RASSF5: variants seen among roughly 807,000 people sequenced by gnomAD.
RASSF5 encodes ras association domain-containing protein 5.
RASSF5 carries 25 observed loss-of-function variants against 40.5 expected under a neutral mutation model. The ratio of observed to expected loss-of-function variants is 0.62; its 90% CI spans 0.45 to 0.86. The LOEUF (loss-of-function observed/expected upper bound fraction) is 0.86, where lower values mean the gene tolerates loss of function less well. Ranked by LOEUF, RASSF5 falls within the 40% of genes least tolerant of loss-of-function variation. RASSF5 has a pLI of 0.00. For missense variants in RASSF5, 521 were observed against 572.8 expected, an observed-to-expected ratio of 0.91 and a Z score of 0.92; for synonymous variants, 246 against 252.4, an observed-to-expected ratio of 0.97 and a Z score of 0.24.
At chr1:206,571,783 C>G (rs782102444) in intron 2 of RASSF5, among the ~76,000 whole-genome samples, 32 of 152,256 alleles carry the variant, frequency 2.1e-4, no homozygotes, top group African/African-American at 7.2e-4. Flanking sequence ...ACTGAAAGGA[C>G]GCTGACCTAG....
intron 1 of RASSF5, among the ~76,000 whole-genome samples, chr1:206,532,737 G>A (rs2103518717): frequency 6.6e-6 from 1 of 152,322 alleles, no homozygotes; most frequent in East Asian, 1.9e-4. Context: ...GTGTCATCCA[G>A]GCTCAGTCGC....
At chr1:206,586,510 G>A (rs1013183294) in intron 5 of RASSF5, 14 of 257,526 alleles carry the variant, frequency 5.4e-5, no homozygotes, top group African/African-American at 3.0e-4. Context: ...CATGTTGGGA[G>A]GCTGGGTGGT....
intron 1 of RASSF5, among the ~76,000 whole-genome samples, chr1:206,509,312 A>T (rs1666554268): frequency 6.6e-6 from 1 of 152,220 alleles, no homozygotes; most frequent in Non-Finnish European, 1.5e-5. Flanking sequence ...AGGGAAATAG[A>T]ACTCAGACAC....
intron 1 of RASSF5, among the ~76,000 whole-genome samples, chr1:206,516,986 G>C (rs555529675): frequency 6.6e-6 from 1 of 152,232 alleles, no homozygotes; most frequent in South Asian, 2.1e-4. Context: ...TGGTACAGAG[G>C]TTGCTTGGTA....
Position 206,531,922 on chromosome 1 carries a change from G to A in RASSF5, c.458-6250G>A, listed in dbSNP as rs183856203. 3.8e-3 allele frequency among the ~76,000 whole-genome samples: 576 copies of A among 152,050 alleles called. 3 individuals carry two copies. Among genetic ancestry groups the A allele is most frequent in the African/African-American group, 0.013 (557 of 41,480 alleles). On this transcript the variant is annotated intron_variant, in intron 1 of 5. Transcript: ENST00000579436. The surrounding 1 kb of genome is among the most constrained non-coding windows in gnomAD (Gnocchi z 4.7). ...CAAAAATTAGCCAGGCATGGTGGCG[G>A]GTGCCTGTAATGCCAGCTGCTTGGG...
chr1:206,514,408 G>A (rs1666698409), intron 1 of RASSF5, among the ~76,000 whole-genome samples: 1 of 152,270 alleles, frequency 6.6e-6, no homozygotes, highest in South Asian at 2.1e-4. Flanking sequence ...GTCTATAAGA[G>A]GGGTGGTGTT....
intron 1 of RASSF5, among the ~76,000 whole-genome samples, chr1:206,534,429 A>T (rs1667329163): frequency 6.6e-6 from 1 of 152,174 alleles, no homozygotes; most frequent in African/African-American, 2.4e-5. Context: ...TCTCCCGGAG[A>T]AACTACAGCT....
rs545434180 is a variant in RASSF5 at position 206,535,331 on chromosome 1, G to A, written c.458-2841G>A. ...GGTGACGAGCTGCCTTAAGGGAACT[G>A]TGGTCTGTGGAGAATTAACCACTGG... On this transcript the variant is annotated intron_variant, in intron 1 of 5. Coordinates refer to ENST00000579436, the MANE Select transcript of RASSF5 (RefSeq NM_182663.4). The surrounding 1 kb of genome is among the most constrained non-coding windows in gnomAD (Gnocchi z 5.0). Among the ~76,000 whole-genome samples the A allele has an allele frequency of 5.9e-5, 9 of 152,366 alleles. No individual in the cohort carries two copies. Among genetic ancestry groups the A allele is most frequent in the African/African-American group, 1.9e-4 (8 of 41,590 alleles).
intron 1 of RASSF5, among the ~76,000 whole-genome samples, chr1:206,509,781 T>C (rs182595093): frequency 1.3e-5 from 2 of 152,054 alleles, no homozygotes; most frequent in Non-Finnish European, 2.9e-5. Flanking sequence ...TGCGTGTGCC[T>C]GTGTGTGATA....
intron 1 of RASSF5, among the ~76,000 whole-genome samples, chr1:206,523,228 C>T (rs1228335142): frequency 3.3e-5 from 5 of 149,804 alleles, no homozygotes; most frequent in Admixed American, 6.8e-5. Flanking sequence ...TGCTTGAAAC[C>T]GGGAGGTGGA....
chr1:206,538,370 C>T (rs1390113618), intron 2 of RASSF5, 77 bp downstream of exon 2: 18 of 1,586,128 alleles, frequency 1.1e-5, no homozygotes, highest in African/African-American at 1.3e-5. Context: ...CTCCCAGGAG[C>T]TCTGGTGAGC....
intron 2 of RASSF5, among the ~76,000 whole-genome samples, chr1:206,581,878 C>T (rs1031085755): frequency 9.2e-5 from 14 of 152,016 alleles, no homozygotes; most frequent in East Asian, 5.8e-4. Context: ...AGCTCTGTCA[C>T]GGAGGGGGGG....
chr1:206,510,320 C>T (rs1666583635), intron 1 of RASSF5, among the ~76,000 whole-genome samples: 1 of 152,118 alleles, frequency 6.6e-6, no homozygotes, highest in Non-Finnish European at 1.5e-5. Context: ...GGGTTTGAAT[C>T]CTGACTACCA....
chr1:206,583,428 C>A, intron 3 of RASSF5, 49 bp downstream of exon 3: 1 of 1,289,832 alleles, frequency 7.8e-7, no homozygotes, highest in Non-Finnish European at 1.1e-6. Flanking sequence ...CCACCCGCTT[C>A]GGGTTTGGCG....
intron 3 of RASSF5, chr1:206,583,707 G>C (rs1668985823): frequency 3.2e-6 from 1 of 311,836 alleles, no homozygotes; most frequent in Non-Finnish European, 6.2e-6. Context: ...CAGGGAGCCA[G>C]GACAATGGGA....
intron 1 of RASSF5, among the ~76,000 whole-genome samples, chr1:206,524,066 A>G (rs1406856897): frequency 4.3e-5 from 3 of 69,278 alleles, no homozygotes; most frequent in Non-Finnish European, 1.1e-4. Context: ...GGTATAACAT[A>G]TATAATATAT....
intron 1 of RASSF5, among the ~76,000 whole-genome samples, chr1:206,523,392 TAATATA>T (rs1277351731): frequency 1.8e-4 from 21 of 118,528 alleles, no homozygotes; most frequent in Non-Finnish European, 2.7e-4. Context: ...TATATAAATT[TAATATA>T]AATATAAATA....
chr1:206,523,514 TATATTATATATTTTATATATTA>T (rs1666973700), intron 1 of RASSF5, among the ~76,000 whole-genome samples: 1 of 100,818 alleles, frequency 9.9e-6, no homozygotes, highest in South Asian at 2.5e-4. Flanking sequence ...TTATATATTA[TATATTATATATTTTATATATTA>T]TATATATAAA....
At chr1:206,582,774 C>T (rs147959269) in intron 2 of RASSF5, among the ~76,000 whole-genome samples, 2 of 152,298 alleles carry the variant, frequency 1.3e-5, no homozygotes, top group African/African-American at 2.4e-5. Flanking sequence ...CTTGTCTTCC[C>T]GATCAGTAGT....
Sources: allele counts gnomAD v4.1 joint callset (sites outside exome capture counted in the v4.1 genomes callset), GRCh38; gene constraint gnomAD v4.1.1; non-coding constraint Gnocchi (gnomAD v3.1); transcripts MANE v1.5; gene names NCBI Gene and HGNC (gene_info 2026-07-23, HGNC 2026-07-21).